Variants in SLC24A3 observed in about 807,000 individuals in gnomAD.
SLC24A3 encodes the protein sodium/potassium/calcium exchanger 3.
In SLC24A3, 28 loss-of-function variants were observed where a neutral mutation model predicts 75.8. The observed-to-expected ratio is 0.37, with a 90% CI of 0.27 to 0.51. The LOEUF (loss-of-function observed/expected upper bound fraction) is 0.51, where lower values mean the gene tolerates loss of function less well. Among genes scored for constraint, SLC24A3 ranks in the 20% least tolerant of loss-of-function variants. The pLI is 0.94. For missense variants in SLC24A3, 663 were observed against 847.8 expected (o/e 0.78, Z 2.71); for synonymous variants, 372 against 334.1 (o/e 1.11, Z -1.24).
intron 3 of SLC24A3, among the ~76,000 whole-genome samples, chr20:19,570,785 T>TG (rs2031040380): frequency 1.3e-5 from 2 of 152,166 alleles, no homozygotes; most frequent in Admixed American, 6.5e-5. Context: ...TGTGGCATAT[T>TG]GCCTGTATTC....
chr20:19,326,022 C>T (rs543178481), intron 2 of SLC24A3, among the ~76,000 whole-genome samples: 2 of 151,996 alleles, frequency 1.3e-5, no homozygotes, highest in East Asian at 3.9e-4. Context: ...ACTGGTGCTT[C>T]ATGTTGGTGC....
intron 7 of SLC24A3, among the ~76,000 whole-genome samples, chr20:19,662,250 C>T (rs932429658): frequency 1.3e-5 from 2 of 152,142 alleles, no homozygotes; most frequent in Non-Finnish European, 2.9e-5. Flanking sequence ...GAGAGAAGAA[C>T]GCTTACCCAA....
At chr20:19,519,106 G>A (rs2030054036) in intron 3 of SLC24A3, among the ~76,000 whole-genome samples, 1 of 152,086 alleles carries the variant, frequency 6.6e-6, no homozygotes, top group Non-Finnish European at 1.5e-5. Flanking sequence ...TGGACCAGAG[G>A]GCCTAGTCCT....
At chr20:19,625,239 T>C (rs892667751) in intron 6 of SLC24A3, among the ~76,000 whole-genome samples, 1 of 152,196 alleles carries the variant, frequency 6.6e-6, no homozygotes, top group Non-Finnish European at 1.5e-5. Context: ...GATCAAAGAA[T>C]CTCAGATTCT....
intron 6 of SLC24A3, among the ~76,000 whole-genome samples, chr20:19,610,106 A>G (rs955781383): frequency 4.6e-5 from 7 of 152,156 alleles, no homozygotes; most frequent in African/African-American, 1.7e-4. Context: ...GACAGTTGGT[A>G]CTTTTTTCTT....
intron 2 of SLC24A3, among the ~76,000 whole-genome samples, chr20:19,492,240 C>G (rs1988219991): frequency 6.6e-6 from 1 of 152,164 alleles, no homozygotes; most frequent in South Asian, 2.1e-4. Context: ...TTAGAGTACT[C>G]AGGACAACAT....
At chr20:19,505,970 C>G (rs1988457259) in intron 2 of SLC24A3, among the ~76,000 whole-genome samples, 1 of 152,198 alleles carries the variant, frequency 6.6e-6, no homozygotes, top group Admixed American at 6.5e-5. Context: ...ACAGAGCTAT[C>G]ATTTGATAGG....
chr20:19,600,920 C>T (rs1423707082), intron 6 of SLC24A3, among the ~76,000 whole-genome samples: 1 of 152,176 alleles, frequency 6.6e-6, no homozygotes, highest in Non-Finnish European at 1.5e-5. Context: ...TTCTGCCTCC[C>T]AAGGCACTGA....
chr20:19,388,716 C>A (rs553136024), intron 2 of SLC24A3, among the ~76,000 whole-genome samples: 149 of 152,236 alleles, frequency 9.8e-4, no homozygotes, highest in Non-Finnish European at 1.6e-3. Context: ...TTTTTAGTTC[C>A]TATTTGCATG....
intron 3 of SLC24A3, among the ~76,000 whole-genome samples, chr20:19,520,825 C>T (rs1039058355): frequency 3.3e-5 from 5 of 152,196 alleles, no homozygotes; most frequent in African/African-American, 1.2e-4. Context: ...TATGAGCTTA[C>T]ATCCAAATTC....
intron 2 of SLC24A3, among the ~76,000 whole-genome samples, chr20:19,424,034 A>T (rs895691574): frequency 1.3e-5 from 2 of 152,202 alleles, no homozygotes; most frequent in African/African-American, 4.8e-5. Flanking sequence ...GGGAGGAACC[A>T]CATGAGCCAT....
intron 2 of SLC24A3, among the ~76,000 whole-genome samples, chr20:19,328,611 G>C (rs992517614): frequency 6.6e-6 from 1 of 152,148 alleles, no homozygotes; most frequent in African/African-American, 2.4e-5. Context: ...GCAATTCCTG[G>C]CCTGAGCAGT....
At chr20:19,333,622 A>AGTGTGTGTGTGTGTGTGTGAGTGT (rs1555788413) in intron 2 of SLC24A3, among the ~76,000 whole-genome samples, 23 of 149,662 alleles carry the variant, frequency 1.5e-4, no homozygotes, top group Non-Finnish European at 3.0e-4. Flanking sequence ...CAGTCTTGCT[A>AGTGTGTGTGTGTGTGTGTGAGTGT]GTGTGTGTGT....
chr20:19,660,898 G>A (rs1201522250), intron 7 of SLC24A3, among the ~76,000 whole-genome samples: 2 of 151,758 alleles, frequency 1.3e-5, no homozygotes, highest in Non-Finnish European at 2.9e-5. Context: ...TAAACAAATC[G>A]ACTATGGTCT....
At chr20:19,711,547 CAAACAT>C (rs1568707858) in intron 15 of SLC24A3, among the ~76,000 whole-genome samples, 3 of 151,864 alleles carry the variant, frequency 2.0e-5, no homozygotes, top group Admixed American at 1.3e-4. Flanking sequence ...TGCAAACATG[CAAACAT>C]GCAGGCAAAC....
At chr20:19,431,492 G>A (rs971336495) in intron 2 of SLC24A3, among the ~76,000 whole-genome samples, 8 of 152,040 alleles carry the variant, frequency 5.3e-5, no homozygotes, top group African/African-American at 1.7e-4. Flanking sequence ...GGGAGCAGCC[G>A]CTCCATGGGG....
intron 2 of SLC24A3, among the ~76,000 whole-genome samples, chr20:19,456,436 T>C (rs1258928674): frequency 2.0e-5 from 3 of 152,218 alleles, no homozygotes; most frequent in Non-Finnish European, 4.4e-5. Context: ...TGCGTGTTCC[T>C]CATTTTCTCT....
intron 2 of SLC24A3, among the ~76,000 whole-genome samples, chr20:19,383,907 A>T (rs1325105537): frequency 6.6e-6 from 1 of 152,114 alleles, no homozygotes; most frequent in Non-Finnish European, 1.5e-5. Flanking sequence ...ATCTCCTAAC[A>T]CCATCACCTT....
chr20:19,329,487 A>C (rs950287771), intron 2 of SLC24A3, among the ~76,000 whole-genome samples: 1 of 152,226 alleles, frequency 6.6e-6, no homozygotes, highest in Non-Finnish European at 1.5e-5. Context: ...AGTTTAGTTC[A>C]GCTATTCCTT....
Sources: allele counts gnomAD v4.1 joint callset (sites outside exome capture counted in the v4.1 genomes callset), GRCh38; gene constraint gnomAD v4.1.1; transcripts MANE v1.5; gene names NCBI Gene and HGNC (gene_info 2026-07-23, HGNC 2026-07-21).